Variants in JMJD1C observed in about 807,000 individuals in gnomAD.
JMJD1C encodes jumonji domain-containing protein 1C.
In JMJD1C, 31 loss-of-function variants were observed where a neutral mutation model predicts 245.3. The observed-to-expected ratio is 0.13, with a 90% CI of 0.09 to 0.17. The LOEUF (loss-of-function observed/expected upper bound fraction) is 0.17. Ranked by LOEUF, JMJD1C falls within the 10% of genes least tolerant of loss-of-function variation. The pLI, the probability that JMJD1C is intolerant of heterozygous loss-of-function variation, is 1.00. For missense variants in JMJD1C, 2,691 were observed against 3,000.2 expected (o/e 0.90, Z 2.41); for synonymous variants, 1,057 against 1,017.4 (o/e 1.04, Z -0.74).
chr10:63,434,454 G>A (rs1950950224), intron 1 of JMJD1C, among the ~76,000 whole-genome samples: 1 of 152,132 alleles, frequency 6.6e-6, no homozygotes, highest in Non-Finnish European at 1.5e-5. Flanking sequence ...GTAAGTCAAG[G>A]AGATAAGGCT....
intron 1 of JMJD1C, among the ~76,000 whole-genome samples, chr10:63,455,053 G>A (rs567407419): frequency 3.9e-4 from 60 of 152,250 alleles, no homozygotes; most frequent in African/African-American, 9.9e-4. Flanking sequence ...ATAAGACTAC[G>A]TGCATCCGTT....
intron 18 of JMJD1C, among the ~76,000 whole-genome samples, chr10:63,188,318 T>A (rs913573161): frequency 6.6e-6 from 1 of 152,220 alleles, no homozygotes; most frequent in African/African-American, 2.4e-5. Context: ...ATCTTGTGTA[T>A]ATGCAATGCA....
At chr10:63,252,550 G>C (rs754534820) in intron 3 of JMJD1C, among the ~76,000 whole-genome samples, 9 of 152,262 alleles carry the variant, frequency 5.9e-5, no homozygotes, top group South Asian at 2.1e-4. Flanking sequence ...ATTTGGACTT[G>C]TTAGTCCCCA....
intron 2 of JMJD1C, among the ~76,000 whole-genome samples, chr10:63,274,753 A>G (rs1434626797): frequency 1.3e-5 from 2 of 152,140 alleles, no homozygotes; most frequent in South Asian, 2.1e-4. Context: ...CATTCATTCA[A>G]TCAATAGGTA....
At chr10:63,197,003 A>G (rs1390646271) in intron 13 of JMJD1C, among the ~76,000 whole-genome samples, 1 of 151,610 alleles carries the variant, frequency 6.6e-6, no homozygotes, top group East Asian at 1.9e-4. Flanking sequence ...GGGTTTTGCC[A>G]TGTTGCCCAG....
intron 2 of JMJD1C, among the ~76,000 whole-genome samples, chr10:63,347,425 G>C (rs924478240): frequency 5.3e-5 from 8 of 150,124 alleles, no homozygotes; most frequent in Non-Finnish European, 1.5e-5. Context: ...CTAATAAAAA[G>C]ACAAAAAAAA....
At position 63,214,312 on chromosome 10, in the gene JMJD1C, G is replaced by A. The variant is rs778405940; in HGVS notation, c.1855C>T (p.Pro619Ser). 3.1e-6 allele frequency: 5 copies of A among 1,613,930 alleles called. No homozygotes were observed. The highest frequency in any genetic ancestry group is 1.1e-5 in the South Asian group (1 of 91,076). The change falls in exon 8 of 26, where the codon CCT (proline) becomes TCT (serine). Residue 619 changes from proline (P) to serine (S), a missense_variant. Pro to Ser is a moderately conservative substitution (Grantham distance 74, BLOSUM62 -1). Transcript: ENST00000399262. ...AGTTTAGATTTTATAGTCTCTGGAG[G>A]TGGACTTCGCTTATGCAGCTTATCT... ...MEDKLHKRSPPPETIKSKLNT... is the reference protein window; with the variant it reads ...MEDKLHKRSPSPETIKSKLNT...
At chr10:63,291,597 AAG>A (rs1858726182) in intron 2 of JMJD1C, among the ~76,000 whole-genome samples, 1 of 144,918 alleles carries the variant, frequency 6.9e-6, no homozygotes, top group Admixed American at 7.0e-5. Flanking sequence ...CCTGGGCAAA[AAG>A]AGTGAAACTC....
chr10:63,503,493 T>C (rs1373641356), intron 1 of JMJD1C, among the ~76,000 whole-genome samples: 4 of 148,676 alleles, frequency 2.7e-5, no homozygotes, highest in Non-Finnish European at 6.0e-5. Flanking sequence ...GCATGATCTA[T>C]GATGGATCTA....
chr10:63,340,323 G>T lies in JMJD1C; in HGVS notation c.333+39995C>A, dbSNP rs914740215. On this transcript the variant is annotated intron_variant, in intron 2 of 25. Transcript: ENST00000399262. Reference sequence around the variant, plus strand: ...TACCCCACACATGTGTGCACATAAAGTTGGCCAAAATGGCACATACACAGG... The same window carrying T: ...TACCCCACACATGTGTGCACATAAATTTGGCCAAAATGGCACATACACAGG... 2.0e-5 allele frequency among the ~76,000 whole-genome samples: 3 copies of T among 152,166 alleles called. No individual in the cohort carries two copies. In the East Asian group the frequency reaches 5.8e-4, roughly 29 times the overall value.
At position 63,177,795 on chromosome 10, in the gene JMJD1C, G is replaced by A. The variant is rs1239420689; in HGVS notation, c.7146C>T (p.Asp2382=). ...ACAGAGCACCAGGTATTTCACTTGA[G>A]TCCTTCAATCTTTTCCTTAAAATGT... The part of the protein sequence containing the change: ...LDDILRKRLK[D]SSEIPGALWH... Residue 2382 remains aspartate, a synonymous_variant, in exon 23 of 26, where the codon GAC becomes GAT. Coordinates refer to ENST00000399262, the MANE Select transcript of JMJD1C (RefSeq NM_032776.3). 5 of 1,613,542 alleles carry A rather than the reference G, an allele frequency of 3.1e-6. No homozygotes were observed. The highest frequency in any genetic ancestry group is 1.3e-5 in the African/African-American group (1 of 74,886).
intron 24 of JMJD1C, among the ~76,000 whole-genome samples, chr10:63,175,658 T>C (rs139049900): frequency 1.1e-3 from 160 of 152,274 alleles, no homozygotes; most frequent in Non-Finnish European, 1.6e-3. Flanking sequence ...AAGCAGCTTT[T>C]GAGTTTTTTC....
At chr10:63,379,667 T>C (rs1320632867) in intron 2 of JMJD1C, among the ~76,000 whole-genome samples, 2 of 152,340 alleles carry the variant, frequency 1.3e-5, no homozygotes, top group East Asian at 1.9e-4. Flanking sequence ...CAAAGTTTCA[T>C]TCAGCAAAGT....
chr10:63,188,482 T>C (rs1330690147), intron 18 of JMJD1C, among the ~76,000 whole-genome samples: 1 of 152,224 alleles, frequency 6.6e-6, no homozygotes, highest in African/African-American at 2.4e-5. Context: ...TTACTGCCTA[T>C]GACAGAGACT....
chr10:63,493,402 C>G (rs1042692372), intron 1 of JMJD1C, among the ~76,000 whole-genome samples: 10 of 151,598 alleles, frequency 6.6e-5, no homozygotes, highest in African/African-American at 2.4e-4. Context: ...CTGCCTCCGC[C>G]TCATGAGTAG....
At chr10:63,417,706 T>C (rs965168759) in intron 1 of JMJD1C, among the ~76,000 whole-genome samples, 4 of 152,208 alleles carry the variant, frequency 2.6e-5, no homozygotes, top group Non-Finnish European at 5.9e-5. Context: ...AGTTCCATCA[T>C]ATTGTATATG....
At chr10:63,502,679 TCAA>T (rs1450238954) in intron 1 of JMJD1C, among the ~76,000 whole-genome samples, 4 of 150,840 alleles carry the variant, frequency 2.7e-5, no homozygotes, top group Non-Finnish European at 4.4e-5. Context: ...TGCCAGCTCT[TCAA>T]CTCTCCTTCC....
chr10:63,418,097 A>G (rs1311431945), intron 1 of JMJD1C, among the ~76,000 whole-genome samples: 1 of 152,192 alleles, frequency 6.6e-6, no homozygotes, highest in Non-Finnish European at 1.5e-5. Flanking sequence ...ATTCTGTTTT[A>G]TTGTGTTACA....
chr10:63,426,501 T>C (rs1007349156), intron 1 of JMJD1C, among the ~76,000 whole-genome samples: 1 of 152,114 alleles, frequency 6.6e-6, no homozygotes, highest in Non-Finnish European at 1.5e-5. Flanking sequence ...TGAAACCCCG[T>C]CTCTACTGAA....
Sources: gnomAD v4.1 joint callset for allele counts (sites outside exome capture counted in the v4.1 genomes callset) on GRCh38, gnomAD v4.1.1 for gene constraint, MANE v1.5 for transcripts, NCBI Gene and HGNC (gene_info 2026-07-23, HGNC 2026-07-21) for gene names.